Variants in IQCK observed in about 807,000 individuals in gnomAD.
IQCK encodes IQ domain-containing protein K.
A neutral mutation model predicts 28.1 loss-of-function variants in IQCK; 29 were observed. That is an observed-to-expected ratio of 1.03 (90% CI 0.77 to 1.41). The LOEUF is 1.41. IQCK is among the 40% of genes most tolerant of loss of function. IQCK has a pLI of 0.00. For missense variants in IQCK, 359 were observed against 314.7 expected, an observed-to-expected ratio of 1.14 and a Z score of -1.07; for synonymous variants, 113 against 115.1, an observed-to-expected ratio of 0.98 and a Z score of 0.12.
At chr16:19,831,283 C>T (rs1199706505), downstream of IQCK, among the ~76,000 whole-genome samples, 1 of 152,216 alleles carries the variant, frequency 6.6e-6, no homozygotes, top group African/African-American at 2.4e-5. Flanking sequence ...AGTTTCCTCT[C>T]TGGGCTTCAG....
chr16:19,764,600 G>A (rs1222602863), intron 6 of IQCK, among the ~76,000 whole-genome samples: 1 of 151,948 alleles, frequency 6.6e-6, no homozygotes, highest in Non-Finnish European at 1.5e-5. Context: ...AGTCTACAGT[G>A]CAGCCTTCCA....
At chr16:19,785,905 C>G (rs2055555876) in intron 6 of IQCK, among the ~76,000 whole-genome samples, 1 of 152,124 alleles carries the variant, frequency 6.6e-6, no homozygotes, top group Admixed American at 6.6e-5. Flanking sequence ...TCTTTCTTTG[C>G]TTTGCTGGGC....
intron 6 of IQCK, among the ~76,000 whole-genome samples, chr16:19,772,271 G>A (rs749652831): frequency 2.0e-5 from 3 of 152,298 alleles, no homozygotes; most frequent in African/African-American, 7.2e-5. Flanking sequence ...CACATTGAAA[G>A]TAAGAAATAT....
chr16:19,799,589 TATATATATAC>T (rs2055732302), intron 7 of IQCK, among the ~76,000 whole-genome samples: 1 of 101,452 alleles, frequency 9.9e-6, no homozygotes, highest in African/African-American at 5.8e-5. Context: ...ATTTTATATA[TATATATATAC>T]ACACACACAC....
At chr16:19,813,336 G>A (rs2055932649) in intron 7 of IQCK, among the ~76,000 whole-genome samples, 1 of 152,136 alleles carries the variant, frequency 6.6e-6, no homozygotes, top group African/African-American at 2.4e-5. Flanking sequence ...GAAGAAACAT[G>A]AATCTTGAAC....
chr16:19,742,102 G>C (rs1481107238), intron 4 of IQCK, among the ~76,000 whole-genome samples: 1 of 152,154 alleles, frequency 6.6e-6, no homozygotes, highest in Non-Finnish European at 1.5e-5. Context: ...ATGGCCCTAA[G>C]TAATCCGTGA....
exon 10 of IQCK, chr16:19,857,600 T>C (rs1355276627): frequency 1.8e-5 from 6 of 335,702 alleles, no homozygotes; most frequent in African/African-American, 1.3e-4. Context: ...TGTAAGCTGG[T>C]ATCATCATTG....
chr16:19,826,880 A>T (rs775731253), intron 7 of IQCK, 146 bp from the exon 8 acceptor site: 37 of 644,852 alleles, frequency 5.7e-5, no homozygotes, highest in Non-Finnish European at 9.2e-5. Context: ...AAGCTCTAGG[A>T]GTGTCAATAA....
chr16:19,732,563 C>T (rs959214912), intron 2 of IQCK, among the ~76,000 whole-genome samples: 11 of 152,148 alleles, frequency 7.2e-5, no homozygotes, highest in Non-Finnish European at 1.0e-4. Flanking sequence ...CAAGCTCAAG[C>T]GATCTTCCCG....
At chr16:19,793,672 T>G (rs1429699380) in intron 7 of IQCK, among the ~76,000 whole-genome samples, 13 of 111,694 alleles carry the variant, frequency 1.2e-4, no homozygotes, top group Admixed American at 7.8e-4. Flanking sequence ...TTTTTTTTTT[T>G]TGTGAAATTA....
chr16:19,835,287 A>G (rs1299551843), intron 9 of IQCK, among the ~76,000 whole-genome samples: 1 of 152,138 alleles, frequency 6.6e-6, no homozygotes, highest in Non-Finnish European at 1.5e-5. Context: ...TGTCTCAAAA[A>G]AATAAAAAAC....
chr16:19,832,782 T>C (rs1403828754), intron 9 of IQCK, among the ~76,000 whole-genome samples: 2 of 152,122 alleles, frequency 1.3e-5, no homozygotes, highest in African/African-American at 4.8e-5. Flanking sequence ...CTTAAAATCA[T>C]GGCGGAAGGC....
At chr16:19,777,090 C>T (rs1480143696) in intron 6 of IQCK, among the ~76,000 whole-genome samples, 1 of 152,056 alleles carries the variant, frequency 6.6e-6, no homozygotes, top group Non-Finnish European at 1.5e-5. Context: ...TGAAAGACAT[C>T]ATTAAAACTG....
intron 4 of IQCK, among the ~76,000 whole-genome samples, chr16:19,756,608 C>T (rs924734424): frequency 2.0e-5 from 3 of 152,010 alleles, no homozygotes; most frequent in African/African-American, 4.8e-5. Context: ...GCTCCATGGC[C>T]GGGCGCAGTG....
intron 9 of IQCK, among the ~76,000 whole-genome samples, chr16:19,838,788 G>A (rs746027744): frequency 6.6e-6 from 1 of 152,026 alleles, no homozygotes; most frequent in Admixed American, 6.5e-5. Context: ...GGAGGCCGAG[G>A]TGGGCAGATC....
At chr16:19,855,036 A>G (rs1003258979) in intron 9 of IQCK, among the ~76,000 whole-genome samples, 4 of 152,226 alleles carry the variant, frequency 2.6e-5, no homozygotes, top group African/African-American at 9.7e-5. Context: ...AGTACGCAAA[A>G]CCAAATAAAT....
chr16:19,811,686 G>T (rs1163118983), intron 7 of IQCK, among the ~76,000 whole-genome samples: 1 of 152,182 alleles, frequency 6.6e-6, no homozygotes, highest in Non-Finnish European at 1.5e-5. Context: ...CTCAGATTTT[G>T]TGGATTTGAA....
At chr16:19,761,712 T>C in intron 4 of IQCK, 1 of 261,876 alleles carries the variant, frequency 3.8e-6, no homozygotes, top group Non-Finnish European at 7.6e-6. Context: ...GCTCAGCTTA[T>C]CTTCTCCCCA....
chr16:19,808,751 G>A (rs764897727), intron 7 of IQCK, among the ~76,000 whole-genome samples: 1 of 152,232 alleles, frequency 6.6e-6, no homozygotes, highest in Admixed American at 6.5e-5. Flanking sequence ...GCCCTTGTAA[G>A]CATGAGTCCT....
Sources: allele counts gnomAD v4.1 joint callset (sites outside exome capture counted in the v4.1 genomes callset), GRCh38; gene constraint gnomAD v4.1.1; transcripts MANE v1.5; gene names NCBI Gene and HGNC (gene_info 2026-07-23, HGNC 2026-07-21).